The following ARHGAP32 variants were observed in gnomAD, a reference collection of about 807,000 sequenced individuals.
ARHGAP32 encodes rho GTPase-activating protein 32.
A neutral mutation model predicts 186.5 loss-of-function variants in ARHGAP32; 51 were observed. The observed-to-expected ratio is 0.27, with a 90% CI of 0.22 to 0.35. The LOEUF is 0.35. Ranked by LOEUF, ARHGAP32 falls within the 10% of genes least tolerant of loss-of-function variation. The pLI is 1.00. For missense variants in ARHGAP32, 2,186 were observed against 2,623.5 expected (o/e 0.83, Z 3.64); for synonymous variants, 950 against 964.3 (o/e 0.99, Z 0.27).
chr11:129,189,158 T>C (rs1437201432), intron 1 of ARHGAP32, among the ~76,000 whole-genome samples: 1 of 152,228 alleles, frequency 6.6e-6, no homozygotes, highest in African/African-American at 2.4e-5. Context: ...TAGCCTCTTA[T>C]AAGTTATCAC....
At chr11:129,243,817 TC>T (rs1239824488) in intron 1 of ARHGAP32, among the ~76,000 whole-genome samples, 1 of 152,134 alleles carries the variant, frequency 6.6e-6, no homozygotes, top group Admixed American at 6.6e-5. Flanking sequence ...AATGTCATCT[TC>T]TCCACCCCCA....
At chr11:129,250,879 T>C (rs1418275959) in intron 1 of ARHGAP32, among the ~76,000 whole-genome samples, 1 of 152,194 alleles carries the variant, frequency 6.6e-6, no homozygotes, top group African/African-American at 2.4e-5. Flanking sequence ...ACCTCACACT[T>C]AATCTTCGTA....
chr11:129,183,292 T>C (rs1326458401), intron 1 of ARHGAP32, among the ~76,000 whole-genome samples: 1 of 152,136 alleles, frequency 6.6e-6, no homozygotes, highest in Non-Finnish European at 1.5e-5. Context: ...CTACCCTTGT[T>C]CTTTTTCTTT....
At chr11:129,153,196 C>T (rs1943327789) in intron 2 of ARHGAP32, among the ~76,000 whole-genome samples, 1 of 151,232 alleles carries the variant, frequency 6.6e-6, no homozygotes, top group Non-Finnish European at 1.5e-5. Context: ...ACTATCTCTA[C>T]AAGGAAAACT....
chr11:129,113,041 G>C (rs1344113565), intron 5 of ARHGAP32, among the ~76,000 whole-genome samples: 1 of 152,094 alleles, frequency 6.6e-6, no homozygotes, highest in Non-Finnish European at 1.5e-5. Flanking sequence ...CTCATTTATA[G>C]TTCATATCAA....
chr11:129,219,877 T>C (rs182792640), intron 1 of ARHGAP32, among the ~76,000 whole-genome samples: 46 of 151,938 alleles, frequency 3.0e-4, no homozygotes, highest in Non-Finnish European at 6.0e-4. Flanking sequence ...ACACACACAA[T>C]GTTCATTCTC....
Position 129,124,694 on chromosome 11 carries a change from A to G in ARHGAP32, c.317+109T>C, listed in dbSNP as rs898608793. 4 of 749,184 alleles carry G rather than the reference A, an allele frequency of 5.3e-6. No homozygotes were observed. In the South Asian group the frequency reaches 6.5e-5, roughly 12 times the overall value. 46.4% of individuals were successfully genotyped at this position (749,184 alleles called of 1,614,324 possible). A position where few individuals can be genotyped will look rare whatever the true frequency, so the allele number is the denominator to read the frequency against. On this transcript the variant is annotated intron_variant, in intron 3 of 22. Coordinates refer to ENST00000682385, the MANE Select transcript of ARHGAP32 (RefSeq NM_001378024.1). ...ATAATTTAAGGATTAGCAGTTGCACAGTAACAGCATATTTTTGTAAAAAGT... is the reference window on the plus strand; with the variant it reads ...ATAATTTAAGGATTAGCAGTTGCACGGTAACAGCATATTTTTGTAAAAAGT...
At chr11:129,105,898 T>C (rs1375107315) in intron 5 of ARHGAP32, among the ~76,000 whole-genome samples, 1 of 151,820 alleles carries the variant, frequency 6.6e-6, no homozygotes, top group Non-Finnish European at 1.5e-5. Context: ...ATAAGGGAAA[T>C]CAAGAAACTG....
Position 129,126,919 on chromosome 11 carries a change from C to T in ARHGAP32, c.226-2025G>A, listed in dbSNP as rs375363559. ...TGCACCAAAATTTACTTAACAGGTT[C>T]GCCAAGCTTAGATTCTTACTAAAAT... On this transcript the variant is annotated intron_variant, in intron 2 of 22. Transcript: ENST00000682385. 2.5e-3 allele frequency among the ~76,000 whole-genome samples: 376 copies of T among 152,170 alleles called. 3 individuals are homozygous for T. In the South Asian group the frequency reaches 0.033, roughly 13 times the overall value.
rs1217111266 is a variant in ARHGAP32, at chr11:129,123,689, T to TA, written c.360-160dup. ...ATATCCGCACAAATCCTCTTAAAAA[T>TA]ACACTGAGTCAGATGAGTATTACAT... On this transcript the variant is annotated intron_variant, in intron 4 of 22. Transcript: ENST00000682385. This position sits in a 1 kb window ranked among gnomAD's most constrained non-coding sequence, Gnocchi z 4.6. Among the ~76,000 whole-genome samples the TA allele has an allele frequency of 1.3e-5, 2 of 152,146 alleles. No individual in the cohort carries two copies. Among genetic ancestry groups the TA allele is most frequent in the African/African-American group, 4.8e-5 (2 of 41,434 alleles).
chr11:129,252,108 T>A (rs1199196323), intron 1 of ARHGAP32, among the ~76,000 whole-genome samples: 4 of 152,222 alleles, frequency 2.6e-5, no homozygotes, highest in Admixed American at 2.0e-4. Flanking sequence ...TTTATAGTTT[T>A]AGACCAATTC....
At chr11:129,157,270 A>G (rs1943430038) in intron 2 of ARHGAP32, among the ~76,000 whole-genome samples, 1 of 152,092 alleles carries the variant, frequency 6.6e-6, no homozygotes, top group Non-Finnish European at 1.5e-5. Flanking sequence ...GTGGGTAATA[A>G]CAAACTCCTC....
At chr11:129,075,202 A>C (rs992686141) in intron 6 of ARHGAP32, among the ~76,000 whole-genome samples, 2 of 152,238 alleles carry the variant, frequency 1.3e-5, no homozygotes, top group Non-Finnish European at 2.9e-5. Flanking sequence ...CATACCAATT[A>C]AAAGACAAAC....
At chr11:129,190,378 T>TA (rs1944247272) in intron 1 of ARHGAP32, among the ~76,000 whole-genome samples, 1 of 152,190 alleles carries the variant, frequency 6.6e-6, no homozygotes, top group Non-Finnish European at 1.5e-5. Context: ...CATTTGTAAA[T>TA]AAAATCAGAT....
intron 1 of ARHGAP32, among the ~76,000 whole-genome samples, chr11:129,218,697 T>G (rs1944675753): frequency 6.6e-6 from 1 of 152,086 alleles, no homozygotes; most frequent in Non-Finnish European, 1.5e-5. Flanking sequence ...TGAAAGCGTC[T>G]GACGCACTGG....
chr11:129,204,733 C>T (rs755034131), intron 1 of ARHGAP32, among the ~76,000 whole-genome samples: 5 of 152,142 alleles, frequency 3.3e-5, no homozygotes, highest in African/African-American at 1.2e-4. Context: ...GTACTAGAGA[C>T]CATTCAACTA....
chr11:129,171,510 G>A (rs1343922966), intron 1 of ARHGAP32, among the ~76,000 whole-genome samples: 1 of 152,150 alleles, frequency 6.6e-6, no homozygotes, highest in Non-Finnish European at 1.5e-5. Context: ...CGAGGTCTCT[G>A]TTCTGCTCCA....
intron 1 of ARHGAP32, among the ~76,000 whole-genome samples, chr11:129,238,756 A>AACAC (rs71057936): frequency 0.014 from 2,114 of 148,346 alleles, 27 homozygotes; most frequent in Admixed American, 0.031. Flanking sequence ...ACTTATTTTA[A>AACAC]ACACACACAC....
chr11:129,186,688 T>A (rs1182880704), intron 1 of ARHGAP32, among the ~76,000 whole-genome samples: 1 of 152,094 alleles, frequency 6.6e-6, no homozygotes, highest in African/African-American at 2.4e-5. Flanking sequence ...ATAATCCGAT[T>A]TAAAAATGGG....
Sources: allele counts gnomAD v4.1 joint callset (sites outside exome capture counted in the v4.1 genomes callset), GRCh38; gene constraint gnomAD v4.1.1; non-coding constraint Gnocchi (gnomAD v3.1); transcripts MANE v1.5; gene names NCBI Gene and HGNC (gene_info 2026-07-23, HGNC 2026-07-21).